CHSY1: variants seen among roughly 807,000 people sequenced by gnomAD.
CHSY1 encodes N-acetylgalactosaminyl-proteoglycan 3-beta-glucuronosyltransferase 1.
In CHSY1, 13 loss-of-function variants were observed where a neutral mutation model predicts 59.8. The ratio of observed to expected loss-of-function variants is 0.22; its 90% CI spans 0.14 to 0.35. The LOEUF is 0.35. Among genes scored for constraint, CHSY1 ranks in the 10% least tolerant of loss-of-function variants. CHSY1 has a pLI of 1.00. For missense variants in CHSY1, 947 were observed against 1,030.6 expected (o/e 0.92, Z 1.11); for synonymous variants, 459 against 401.2 (o/e 1.14, Z -1.72).
At chr15:101,247,148 A>G (rs1321258783) in intron 1 of CHSY1, among the ~76,000 whole-genome samples, 1 of 152,294 alleles carries the variant, frequency 6.6e-6, no homozygotes, top group Non-Finnish European at 1.5e-5. Flanking sequence ...AAACTTTACA[A>G]GACTGGACAC....
At position 101,251,434 on chromosome 15, in the gene CHSY1, G is replaced by A; in HGVS notation, c.23C>T (p.Ala8Val). The A allele has an allele frequency of 5.5e-6, 6 of 1,084,768 alleles. No homozygotes were observed. Among genetic ancestry groups the A allele is most frequent in the Admixed American group, 3.8e-5 (1 of 26,636 alleles). 67.2% of individuals were successfully genotyped at this position (1,084,768 alleles called of 1,614,324 possible). The change falls in exon 1 of 3, where the codon GCC becomes GTC. Residue 8 changes from alanine to valine, a missense_variant. Ala to Val is a moderately conservative substitution (Grantham distance 64). Around this residue, in one of 4 missense-constraint regions of CHSY1, gnomAD observed 232 missense variants for 188.5 expected, o/e 1.23. Coordinates refer to ENST00000254190, the MANE Select transcript of CHSY1 (RefSeq NM_014918.5). The stretch of plus-strand genomic sequence containing the variant: ...GAGCCCGAGCAGCACGCTGAGCCAG[G>A]CGCGCCGGCCGCGCGCGGCCATGCC... MAARGRR[A>V]WLSVLLGLVL...
chr15:101,181,394 T>C (rs527828941), intron 2 of CHSY1, among the ~76,000 whole-genome samples: 2 of 152,326 alleles, frequency 1.3e-5, no homozygotes, highest in East Asian at 1.9e-4. Flanking sequence ...TTCTTAACAA[T>C]GAACACGAAG....
chr15:101,243,149 G>GAA (rs2039019091), intron 1 of CHSY1, among the ~76,000 whole-genome samples: 1 of 152,102 alleles, frequency 6.6e-6, no homozygotes, highest in Non-Finnish European at 1.5e-5. Context: ...TAAGAGCTAC[G>GAA]AGGAGCCCGC....
At position 101,235,101 on chromosome 15, in the gene CHSY1, T is replaced by C. The variant is rs1470796015; in HGVS notation, c.797A>G (p.Gln266Arg). 3.1e-6 allele frequency: 5 copies of C among 1,614,014 alleles called. No individual in the cohort carries two copies. The highest frequency in any genetic ancestry group is 4.2e-6 in the Non-Finnish European group (5 of 1,180,026). Residue 266 changes from glutamine to arginine, a missense_variant, in exon 2 of 3, where the codon CAG becomes CGG. Physicochemically the swap from Gln to Arg is conservative, Grantham distance 43. This residue lies in a region of CHSY1 where 602 missense variants were observed against 676.9 expected (regional missense o/e 0.89). Transcript: ENST00000254190. ...TCTTACCTCATAAGACCAGACACAC[T>C]GCACCCCTGCAAACCTCCGGACACA... ...GRCVRRFAGV[Q>R]CVWSYEMQQL...
At chr15:101,197,289 T>C (rs2038518952) in intron 2 of CHSY1, among the ~76,000 whole-genome samples, 2 of 152,252 alleles carry the variant, frequency 1.3e-5, no homozygotes, top group African/African-American at 4.8e-5. Context: ...CCATTAATTA[T>C]GTTCCTTATT....
chr15:101,250,054 C>T (rs570301827), intron 1 of CHSY1, among the ~76,000 whole-genome samples: 2 of 152,256 alleles, frequency 1.3e-5, no homozygotes, highest in East Asian at 3.9e-4. Flanking sequence ...ACATCTAGTG[C>T]CTGAAAAATC....
At chr15:101,238,144 T>A (rs192091327) in intron 1 of CHSY1, among the ~76,000 whole-genome samples, 1,528 of 152,254 alleles carry the variant, frequency 0.01, 21 homozygotes, top group African/African-American at 0.034. Flanking sequence ...TTGTTTTTTT[T>A]AAAAAAAATT....
intron 1 of CHSY1, among the ~76,000 whole-genome samples, chr15:101,247,777 TG>T (rs1459507846): frequency 1.3e-5 from 2 of 152,188 alleles, no homozygotes; most frequent in African/African-American, 2.4e-5. Context: ...CTCAAGCAGA[TG>T]GCAGGTCTAG....
chr15:101,188,148 C>A (rs534515373), intron 2 of CHSY1: 9 of 985,440 alleles, frequency 9.1e-6, no homozygotes, highest in Non-Finnish European at 1.1e-5. Flanking sequence ...TGCTACAGAG[C>A]GACAACTTCC....
intron 1 of CHSY1, among the ~76,000 whole-genome samples, chr15:101,249,795 G>A (rs1305268667): frequency 1.3e-5 from 2 of 152,148 alleles, no homozygotes; most frequent in African/African-American, 4.8e-5. Flanking sequence ...AATTACAGGC[G>A]TGAGCCACGG....
chr15:101,205,071 T>G (rs993349379), intron 2 of CHSY1, among the ~76,000 whole-genome samples: 1 of 152,230 alleles, frequency 6.6e-6, no homozygotes, highest in African/African-American at 2.4e-5. Context: ...CAGAGAGATT[T>G]TCAGAAGCAT....
At chr15:101,184,204 G>A (rs564734558) in intron 2 of CHSY1, among the ~76,000 whole-genome samples, 100 of 152,188 alleles carry the variant, frequency 6.6e-4, no homozygotes, top group Non-Finnish European at 1.0e-3. Flanking sequence ...AGCTGCCTAC[G>A]GTTGTTACTT....
intron 2 of CHSY1, among the ~76,000 whole-genome samples, chr15:101,234,069 G>C (rs1044672483): frequency 5.9e-5 from 9 of 152,108 alleles, no homozygotes; most frequent in African/African-American, 2.2e-4. Context: ...CAATCTGCAG[G>C]CAAAGGGTGC....
Position 101,177,751 on chromosome 15 carries a change from A to G in CHSY1, c.2046T>C (p.Thr682=). The change falls in exon 3 of 3, where the codon ACT becomes ACC. Residue 682 remains threonine (T), a synonymous_variant. Transcript: ENST00000254190. The stretch of plus-strand genomic sequence containing the variant: ...AGTTTCTCCAGAAGCCAGTTTTCTG[A>G]GTAAAGGCAAAATGGTTGTCACTGG... The part of the protein sequence containing the change: ...KVPSDNHFAF[T]QKTGFWRNYG... 1 of 1,614,216 alleles carries G rather than the reference A, an allele frequency of 6.2e-7. No individual in the cohort carries two copies. Among genetic ancestry groups the G allele is most frequent in the African/African-American group, 1.3e-5 (1 of 75,052 alleles).
intron 2 of CHSY1, among the ~76,000 whole-genome samples, chr15:101,221,309 C>T (rs911569005): frequency 6.6e-6 from 1 of 152,188 alleles, no homozygotes; most frequent in East Asian, 1.9e-4. Context: ...GCCTGGCCAA[C>T]GTGGCAAAAT....
chr15:101,187,307 T>G (rs545143610), intron 2 of CHSY1, among the ~76,000 whole-genome samples: 8 of 152,290 alleles, frequency 5.3e-5, no homozygotes, highest in Admixed American at 5.2e-4. Flanking sequence ...GGTGAAACAC[T>G]GTTTCTATTA....
intron 2 of CHSY1, chr15:101,188,008 T>C (rs1158080383): frequency 1.0e-6 from 1 of 985,026 alleles, no homozygotes; most frequent in Non-Finnish European, 1.2e-6. Context: ...ACAGTCTTCA[T>C]TAGCAAATGT....
intron 2 of CHSY1, among the ~76,000 whole-genome samples, chr15:101,210,554 G>C (rs2038672916): frequency 6.6e-6 from 1 of 152,100 alleles, no homozygotes; most frequent in African/African-American, 2.4e-5. Context: ...TCATAATCAA[G>C]AAGACTGCGA....
At chr15:101,211,344 T>C (rs923285571) in intron 2 of CHSY1, among the ~76,000 whole-genome samples, 2 of 152,086 alleles carry the variant, frequency 1.3e-5, no homozygotes, top group Admixed American at 6.6e-5. Context: ...CAAAGCACAA[T>C]AGGTGTGATG....
Sources: allele counts gnomAD v4.1 joint callset (sites outside exome capture counted in the v4.1 genomes callset), GRCh38; gene constraint gnomAD v4.1.1; regional missense constraint gnomAD v4.1.1; transcripts MANE v1.5; gene names NCBI Gene and HGNC (gene_info 2026-07-23, HGNC 2026-07-21).